Variants in RYR2 observed in about 807,000 individuals in gnomAD.
RYR2 encodes ryanodine receptor 2, also known as cardiac muscle ryanodine receptor-calcium release channel.
Under a neutral mutation model 601.1 loss-of-function variants are expected in RYR2, and 227 were observed. The observed-to-expected ratio is 0.38, with a 90% CI of 0.34 to 0.42. The LOEUF is 0.42. Among genes scored for constraint, RYR2 ranks in the 10% least tolerant of loss-of-function variants. The probability of loss-of-function intolerance (pLI) is 1.00; values close to 1 mark genes in which losing one functional copy is unlikely to be tolerated. For synonymous variants in RYR2, 2,223 were observed against 2,175.1 expected (o/e 1.02, Z -0.61); for missense variants, 4,646 against 6,156.5 (o/e 0.75, Z 8.21).
chr1:237,329,377 C>T (rs1277433344), intron 2 of RYR2, among the ~76,000 whole-genome samples: 2 of 151,886 alleles, frequency 1.3e-5, no homozygotes, highest in African/African-American at 4.8e-5. Context: ...CGCGGTGGCT[C>T]ATGTCTGTAA....
intron 10 of RYR2, among the ~76,000 whole-genome samples, chr1:237,414,392 T>A (rs1385140883): frequency 1.3e-5 from 2 of 152,190 alleles, no homozygotes; most frequent in African/African-American, 4.8e-5. Context: ...CCTGGGAATT[T>A]GTTGGAACTG....
At chr1:237,719,222 A>G (rs775886518) in intron 73 of RYR2, among the ~76,000 whole-genome samples, 1 of 152,166 alleles carries the variant, frequency 6.6e-6, no homozygotes, top group Non-Finnish European at 1.5e-5. Context: ...GTGCCACTGC[A>G]CTCCAGCCTA....
intron 47 of RYR2, among the ~76,000 whole-genome samples, chr1:237,641,473 C>CTTTCTTTCTTTCTTTCTTTCTTTCTT (rs1553264947): frequency 0.033 from 573 of 17,282 alleles, 9 homozygotes; most frequent in Non-Finnish European, 0.094. Flanking sequence ...GTCTGTCTGT[C>CTTTCTTTCTTTCTTTCTTTCTTTCTT]TTTCTTTCTT....
At chr1:237,685,719 C>T (rs750315735) in intron 62 of RYR2, among the ~76,000 whole-genome samples, 7 of 152,118 alleles carry the variant, frequency 4.6e-5, no homozygotes, top group East Asian at 1.9e-4. Context: ...GATAAGGGCA[C>T]GTGGACAAAG....
At chr1:237,789,829 A>AG (rs1308296959) in intron 92 of RYR2, among the ~76,000 whole-genome samples, 1 of 152,190 alleles carries the variant, frequency 6.6e-6, no homozygotes, top group East Asian at 1.9e-4. Flanking sequence ...CGTCTAACAA[A>AG]GGCCCCTTTT....
chr1:237,690,596 T>G (rs1686852012), intron 63 of RYR2, among the ~76,000 whole-genome samples: 1 of 152,218 alleles, frequency 6.6e-6, no homozygotes, highest in Non-Finnish European at 1.5e-5. Flanking sequence ...GCACAGTGGC[T>G]CACGCCTGGA....
intron 12 of RYR2, among the ~76,000 whole-genome samples, chr1:237,428,215 C>A (rs375307809): frequency 6.6e-6 from 1 of 152,096 alleles, no homozygotes; most frequent in Non-Finnish European, 1.5e-5. Context: ...GATCTAGAAC[C>A]AGAAATACAA....
intron 35 of RYR2, among the ~76,000 whole-genome samples, chr1:237,605,260 G>C (rs546637063): frequency 6.6e-6 from 1 of 152,298 alleles, no homozygotes; most frequent in East Asian, 1.9e-4. Flanking sequence ...ATGCAAGGCT[G>C]GTTCAACATA....
At chr1:237,300,782 A>G (rs531516995) in intron 2 of RYR2, among the ~76,000 whole-genome samples, 1 of 152,290 alleles carries the variant, frequency 6.6e-6, no homozygotes, top group East Asian at 1.9e-4. Flanking sequence ...TTTTTATAAA[A>G]TAAATACGTC....
At chr1:237,670,908 T>C (rs932170582) in intron 58 of RYR2, among the ~76,000 whole-genome samples, 1 of 152,200 alleles carries the variant, frequency 6.6e-6, no homozygotes. Flanking sequence ...GATTTTTAGA[T>C]TAGACCTATT....
intron 34 of RYR2, among the ~76,000 whole-genome samples, chr1:237,598,172 G>A (rs1290872228): frequency 6.6e-6 from 1 of 152,190 alleles, no homozygotes; most frequent in Non-Finnish European, 1.5e-5. Flanking sequence ...TATGAAGTAT[G>A]TTTTATCTAA....
intron 3 of RYR2, among the ~76,000 whole-genome samples, chr1:237,334,674 G>A (rs925540359): frequency 1.3e-5 from 2 of 152,108 alleles, no homozygotes; most frequent in South Asian, 2.1e-4. Context: ...CTTTGGCCCC[G>A]TTTTCTCTGG....
intron 34 of RYR2, among the ~76,000 whole-genome samples, chr1:237,596,013 C>G: frequency 6.6e-6 from 1 of 152,084 alleles, no homozygotes; most frequent in Non-Finnish European, 1.5e-5. Context: ...CCAGTGTATC[C>G]TACCCAACCG....
At chr1:237,562,031 A>C (rs1304920766) in intron 27 of RYR2, among the ~76,000 whole-genome samples, 1 of 152,218 alleles carries the variant, frequency 6.6e-6, no homozygotes, top group East Asian at 1.9e-4. Flanking sequence ...AGTCAAGGGC[A>C]TAAAAAGTTT....
Position 237,590,774 on chromosome 1 carries a change from C to A in RYR2, c.3942C>A (p.Phe1314Leu). 1 of 1,613,892 alleles carries A rather than the reference C, an allele frequency of 6.2e-7. No homozygotes were observed. The highest frequency in any genetic ancestry group is 1.6e-4 in the Middle Eastern group (1 of 6,062). The change falls in exon 31 of 105, where the codon TTC (phenylalanine) becomes TTA (leucine). Residue 1314 changes from phenylalanine to leucine, a missense_variant. Phe to Leu is a conservative substitution (Grantham distance 22, BLOSUM62 0). This residue lies in a region of RYR2 where 1,807 missense variants were observed against 2,088.1 expected (regional missense o/e 0.87). Coordinates refer to ENST00000366574, the MANE Select transcript of RYR2 (RefSeq NM_001035.3). ...TGCCGATCGAGTGCGCGGAGGTCTT[C>A]TCCAAGACGGTGGCTGGAGGGCTCC... ...LSMPIECAEVFSKTVAGGLPG... is the reference protein window; with the variant it reads ...LSMPIECAEVLSKTVAGGLPG...
intron 42 of RYR2, among the ~76,000 whole-genome samples, chr1:237,631,940 T>C (rs777577261): frequency 3.9e-5 from 6 of 152,164 alleles, no homozygotes; most frequent in Non-Finnish European, 8.8e-5. Flanking sequence ...GCCCAGATTG[T>C]AGATTCTTAA....
intron 1 of RYR2, among the ~76,000 whole-genome samples, chr1:237,126,337 T>A (rs1671416255): frequency 6.6e-6 from 1 of 152,062 alleles, no homozygotes; most frequent in African/African-American, 2.4e-5. Flanking sequence ...TGAGAGTAAT[T>A]GGTGACAGTC....
chr1:237,798,922 G>A (rs545835852), intron 97 of RYR2, among the ~76,000 whole-genome samples: 2 of 152,092 alleles, frequency 1.3e-5, no homozygotes, highest in South Asian at 4.1e-4. Flanking sequence ...GTCACTTAAT[G>A]ATTTTGGAAG....
At chr1:237,637,488 A>G (rs947990481) in intron 44 of RYR2, among the ~76,000 whole-genome samples, 2 of 152,200 alleles carry the variant, frequency 1.3e-5, no homozygotes, top group Admixed American at 1.3e-4. Flanking sequence ...AATTTCCTGA[A>G]CACTGAAACC....
Sources: gnomAD v4.1 joint callset for allele counts (sites outside exome capture counted in the v4.1 genomes callset) on GRCh38, gnomAD v4.1.1 for gene constraint, gnomAD v4.1.1 regional missense constraint, MANE v1.5 for transcripts, NCBI Gene and HGNC (gene_info 2026-07-23, HGNC 2026-07-21) for gene names.